C10orf90: variants seen among roughly 807,000 people sequenced by gnomAD.
C10orf90 encodes (E2-independent) E3 ubiquitin-conjugating enzyme FATS.
C10orf90 carries 56 observed loss-of-function variants against 62.5 expected under a neutral mutation model. The ratio of observed to expected loss-of-function variants is 0.90; its 90% CI spans 0.72 to 1.12. The LOEUF is 1.12. Among genes scored for constraint, C10orf90 ranks in the 50% most tolerant of loss-of-function variants. C10orf90 has a pLI of 0.00. For synonymous variants in C10orf90, 386 were observed against 340.4 expected (o/e 1.13, Z -1.47); for missense variants, 970 against 880.4 (o/e 1.10, Z -1.29).
intron 2 of C10orf90, among the ~76,000 whole-genome samples, chr10:126,569,225 A>G (rs2134001549): frequency 6.6e-6 from 1 of 152,300 alleles, no homozygotes; most frequent in African/African-American, 2.4e-5. Flanking sequence ...GAACTGGTCT[A>G]TGATTCCTGA....
chr10:126,527,208 G>T (rs1227610229), intron 2 of C10orf90, among the ~76,000 whole-genome samples: 1 of 152,168 alleles, frequency 6.6e-6, no homozygotes, highest in African/African-American at 2.4e-5. Context: ...TTTTTCGCCA[G>T]CCTTCCTCAC....
At chr10:126,594,351 G>A (rs1267490641) in intron 2 of C10orf90, among the ~76,000 whole-genome samples, 1 of 152,098 alleles carries the variant, frequency 6.6e-6, no homozygotes, top group Non-Finnish European at 1.5e-5. Context: ...GGACTAGAAG[G>A]AAATACATGA....
At chr10:126,662,158 A>C (rs1465357556) in intron 1 of C10orf90, among the ~76,000 whole-genome samples, 1 of 151,914 alleles carries the variant, frequency 6.6e-6, no homozygotes, top group Non-Finnish European at 1.5e-5. Flanking sequence ...TGATTATTTC[A>C]ACAACTGGTT....
chr10:126,553,643 C>A (rs1437391520), intron 2 of C10orf90, among the ~76,000 whole-genome samples: 1 of 152,166 alleles, frequency 6.6e-6, no homozygotes, highest in Non-Finnish European at 1.5e-5. Context: ...TCAATACAGT[C>A]ATGCTGTACA....
At chr10:126,586,236 C>A (rs1184912872) in intron 2 of C10orf90, among the ~76,000 whole-genome samples, 1 of 152,192 alleles carries the variant, frequency 6.6e-6, no homozygotes, top group East Asian at 1.9e-4. Context: ...CAAGTAAGAG[C>A]CACAGGAAAT....
chr10:126,576,939 A>T (rs899713495), intron 2 of C10orf90, among the ~76,000 whole-genome samples: 60 of 149,500 alleles, frequency 4.0e-4, no homozygotes, highest in African/African-American at 1.1e-3. Flanking sequence ...TGTGGAGGCT[A>T]AAAAAAAAGT....
At chr10:126,526,023 AACACACACACACAC>A (rs3040780) in intron 2 of C10orf90, among the ~76,000 whole-genome samples, 19 of 138,962 alleles carry the variant, frequency 1.4e-4, no homozygotes, top group African/African-American at 3.8e-4. Flanking sequence ...CACCTGCCAC[AACACACACACACAC>A]ACACACACAC....
chr10:126,565,105 A>AATAT (rs1433630469), intron 2 of C10orf90, among the ~76,000 whole-genome samples: 522 of 42,700 alleles, frequency 0.012, 44 homozygotes, highest in Non-Finnish European at 0.015. Flanking sequence ...TATAATATAT[A>AATAT]AAATATATAT....
intron 2 of C10orf90, among the ~76,000 whole-genome samples, chr10:126,606,343 C>T (rs566062316): frequency 4.6e-5 from 7 of 152,304 alleles, no homozygotes; most frequent in African/African-American, 1.7e-4. Flanking sequence ...GATTATGGCT[C>T]ATTGCCCTGA....
At chr10:126,533,861 G>A (rs147002966) in intron 2 of C10orf90, among the ~76,000 whole-genome samples, 4 of 152,348 alleles carry the variant, frequency 2.6e-5, no homozygotes, top group Non-Finnish European at 5.9e-5. Context: ...ATAGGTATGA[G>A]AGCTAATTAA....
chr10:126,583,065 C>T lies in C10orf90; in HGVS notation c.313+63500G>A, dbSNP rs149821788. Among the ~76,000 whole-genome samples, 6 of 152,180 alleles carry T rather than the reference C, an allele frequency of 3.9e-5. No individual in the cohort carries two copies. The South Asian group carries it at 1.2e-3, about 32-fold the overall frequency. Reference sequence around the variant, plus strand: ...TTACAGCATCCCTAACCTCTACTCGCGGGACACCAGTAAACCTCACTCCAT... The same window carrying T: ...TTACAGCATCCCTAACCTCTACTCGTGGGACACCAGTAAACCTCACTCCAT... On this transcript the variant is annotated intron_variant, in intron 2 of 9. Coordinates refer to ENST00000488181, the MANE Select transcript of C10orf90 (RefSeq NM_001350921.2).
chr10:126,627,407 G>A (rs888646622), intron 2 of C10orf90, among the ~76,000 whole-genome samples: 25 of 152,054 alleles, frequency 1.6e-4, no homozygotes, highest in East Asian at 1.9e-4. Flanking sequence ...TGGTCCATGC[G>A]GGTGTAATGG....
chr10:126,489,438 T>C (rs547148763), intron 4 of C10orf90, among the ~76,000 whole-genome samples: 15 of 152,176 alleles, frequency 9.9e-5, no homozygotes, highest in Admixed American at 2.6e-4. Flanking sequence ...AAAGAAAATA[T>C]ACAAATGACC....
intron 8 of C10orf90, 109 bp from the exon 9 acceptor site, chr10:126,426,199 C>A (rs1193961821): frequency 2.3e-6 from 2 of 881,528 alleles, no homozygotes; most frequent in African/African-American, 3.3e-5. Flanking sequence ...GAGAAGATCG[C>A]TGCTTATGGG....
chr10:126,617,199 G>T (rs1845557837), intron 2 of C10orf90, among the ~76,000 whole-genome samples: 1 of 152,096 alleles, frequency 6.6e-6, no homozygotes, highest in South Asian at 2.1e-4. Context: ...CCAAACTACT[G>T]TACCCACTCA....
At chr10:126,532,860 G>GAAA (rs1864138275) in intron 2 of C10orf90, among the ~76,000 whole-genome samples, 3 of 19,966 alleles carry the variant, frequency 1.5e-4, no homozygotes, top group Non-Finnish European at 3.0e-4. Flanking sequence ...AAAAAAAATA[G>GAAA]TGAGCACAAA....
In C10orf90 at chr10:126,474,293, C is replaced by T. The variant is rs573718528; in HGVS notation, c.1535-9307G>A. Among the ~76,000 whole-genome samples the T allele has an allele frequency of 3.3e-5, 5 of 152,240 alleles. No homozygotes were observed. The South Asian group carries it at 6.2e-4, about 19-fold the overall frequency. On this transcript the variant is annotated intron_variant, in intron 4 of 9. Coordinates refer to ENST00000488181, the MANE Select transcript of C10orf90 (RefSeq NM_001350921.2). ...AAGGAGTGGATGGAATGGATCATCG[C>T]GCTGGCCCATCAAGTCTCCACTCTA...
At chr10:126,472,778 G>A (rs888690464) in intron 4 of C10orf90, among the ~76,000 whole-genome samples, 1 of 152,148 alleles carries the variant, frequency 6.6e-6, no homozygotes, top group East Asian at 1.9e-4. Context: ...AGGACCAGAT[G>A]GTCACCCCAG....
At chr10:126,498,631 A>G (rs770029412) in intron 4 of C10orf90, among the ~76,000 whole-genome samples, 6 of 152,192 alleles carry the variant, frequency 3.9e-5, no homozygotes, top group Admixed American at 6.5e-5. Context: ...AGGAAAGAAG[A>G]GCTTCTTCCC....
Sources: gnomAD v4.1 joint callset for allele counts (sites outside exome capture counted in the v4.1 genomes callset) on GRCh38, gnomAD v4.1.1 for gene constraint, MANE v1.5 for transcripts, NCBI Gene and HGNC (gene_info 2026-07-23, HGNC 2026-07-21) for gene names.